EPS8: variants seen among roughly 807,000 people sequenced by gnomAD.
The protein encoded by EPS8 is EGFR pathway substrate 8, signaling adaptor.
A neutral mutation model predicts 103.8 loss-of-function variants in EPS8; 42 were observed. The ratio of observed to expected loss-of-function variants is 0.40; its 90% CI spans 0.32 to 0.52. The LOEUF is 0.52. EPS8 is among the 20% of genes least tolerant of loss of function. EPS8 has a pLI of 0.40. For synonymous variants in EPS8, 344 were observed against 344.6 expected, an observed-to-expected ratio of 1.00 and a Z score of 0.02; for missense variants, 969 against 1,005.1, an observed-to-expected ratio of 0.96 and a Z score of 0.49.
chr12:15,716,231 A>G lies in EPS8; in HGVS notation c.-21-33259T>C, dbSNP rs1946532420. 6.6e-6 allele frequency among the ~76,000 whole-genome samples: 1 copy of G among 152,134 alleles called. No individual in the cohort carries two copies. The highest frequency in any genetic ancestry group is 1.5e-5 in the Non-Finnish European group (1 of 68,032). ...AATGCCAAAAAATGTTGCTGCTTGG[A>G]AACAGACAGTTTCCTAATAGTAAGT... On this transcript the variant is annotated intron_variant, in intron 1 of 20. Transcript: ENST00000281172. The surrounding 1 kb of genome is among the most constrained non-coding windows in gnomAD (Gnocchi z 5.0).
At chr12:15,643,916 C>A (rs1369373856) in intron 15 of EPS8, among the ~76,000 whole-genome samples, 2 of 152,134 alleles carry the variant, frequency 1.3e-5, no homozygotes, top group Non-Finnish European at 1.5e-5. Context: ...CATCTGACAG[C>A]AGTAAGCTAT....
Position 15,621,411 on chromosome 12 carries a change from T to G in EPS8, c.2375A>C (p.Glu792Ala). The G allele has an allele frequency of 6.2e-7, 1 of 1,601,488 alleles. No individual in the cohort carries two copies. Among genetic ancestry groups the G allele is most frequent in the Non-Finnish European group, 8.5e-7 (1 of 1,173,412 alleles). The change falls in exon 21 of 21, where the codon GAG becomes GCG. Residue 792 changes from glutamate to alanine, a missense_variant. By Grantham distance (107) the Glu-to-Ala change is moderately radical. Transcript: ENST00000281172. ...AALEDSSGSS[E>A]LQEIMRRRQE... ...TCGTCTTCTCATAATTTCTTGTAAC[T>G]CGGAGCTGCCACTGCTATCCTGAAA...
intron 1 of EPS8, among the ~76,000 whole-genome samples, chr12:15,729,136 A>G (rs1312628568): frequency 1.3e-5 from 2 of 152,094 alleles, no homozygotes; most frequent in Non-Finnish European, 2.9e-5. Context: ...TAATCCCCTA[A>G]AGGTAAGGTG....
intron 3 of EPS8, among the ~76,000 whole-genome samples, chr12:15,676,742 G>C (rs1945915783): frequency 1.3e-5 from 2 of 152,176 alleles, no homozygotes; most frequent in Admixed American, 1.3e-4. Flanking sequence ...ATAACTGGAG[G>C]AGAGAGAAAT....
chr12:15,664,446 C>A (rs1457201773), intron 8 of EPS8, among the ~76,000 whole-genome samples: 1 of 152,112 alleles, frequency 6.6e-6, no homozygotes, highest in Non-Finnish European at 1.5e-5. Context: ...ATGAAAACCA[C>A]AAATTATGCT....
At position 15,764,507 on chromosome 12, in the gene EPS8, T is replaced by C. The variant is rs1418846724; in HGVS notation, c.-22+24654A>G. ...TTACCAGAACCGAGGACTGATTTTA[T>C]GTAAACTGTAAAACCAACAGGCCTT... On this transcript the variant is annotated intron_variant, in intron 1 of 20. Transcript: ENST00000281172. This position sits in a 1 kb window ranked among gnomAD's most constrained non-coding sequence, Gnocchi z 4.1. 6.6e-6 allele frequency among the ~76,000 whole-genome samples: 1 copy of C among 152,230 alleles called. No individual in the cohort carries two copies. The highest frequency in any genetic ancestry group is 1.9e-4 in the East Asian group (1 of 5,206).
rs190984028 is a variant in EPS8 at position 15,621,985 on chromosome 12, G to T, written c.2356-555C>A. On this transcript the variant is annotated intron_variant, in intron 20 of 20. Transcript: ENST00000281172. ...GGAAAGGGTGAGGTGGTAGAAGGTG[G>T]CTGAGGAACATGAAGAACCTCAGGT... is the stretch of plus-strand genomic sequence containing the variant. 2.6e-5 allele frequency among the ~76,000 whole-genome samples: 4 copies of T among 152,230 alleles called. No individual in the cohort carries two copies. In the East Asian group the frequency reaches 7.7e-4, roughly 29 times the overall value.
Position 15,621,192 on chromosome 12 carries a change from G to GT in EPS8, c.*124_*125insA, listed in dbSNP as rs1944855606. 12 of 385,254 alleles carry GT rather than the reference G, an allele frequency of 3.1e-5. No individual in the cohort carries two copies. Among genetic ancestry groups the GT allele is most frequent in the Non-Finnish European group, 4.4e-5 (11 of 247,814 alleles). The allele number at this position is 385,254 out of a possible 1,614,324, so 23.9% of individuals were successfully genotyped here. A position where few individuals can be genotyped will look rare whatever the true frequency, so the allele number is the denominator to read the frequency against. On this transcript the variant is annotated 3_prime_UTR_variant, in exon 21 of 21. Coordinates refer to ENST00000281172, the MANE Select transcript of EPS8 (RefSeq NM_004447.6). ...TCCTGTGCTCACTCAGGTTTGCATG[G>GT]GTTTTTTTTTATGGTGATAAATTAC...
chr12:15,652,814 A>G (rs1462639586), intron 13 of EPS8, among the ~76,000 whole-genome samples: 1 of 152,218 alleles, frequency 6.6e-6, no homozygotes, highest in Non-Finnish European at 1.5e-5. Context: ...AAAAGTTTGT[A>G]TATGTTTCAA....
In EPS8 at chr12:15,751,212, G is replaced by C. The variant is rs1946928103; in HGVS notation, c.-22+37949C>G. Among the ~76,000 whole-genome samples the C allele has an allele frequency of 6.6e-6, 1 of 151,974 alleles. No homozygotes were observed. Among genetic ancestry groups the C allele is most frequent in the African/African-American group, 2.4e-5 (1 of 41,334 alleles). ...GTCTCTACTAAAAATATAAAAATTA[G>C]CCACACGTAGTGGTGTGTGCCTGTA... On this transcript the variant is annotated intron_variant, in intron 1 of 20. Transcript: ENST00000281172. The surrounding 1 kb of genome is among the most constrained non-coding windows in gnomAD (Gnocchi z 4.3).
intron 1 of EPS8, among the ~76,000 whole-genome samples, chr12:15,720,419 C>G (rs1269772450): frequency 6.6e-6 from 1 of 152,246 alleles, no homozygotes; most frequent in African/African-American, 2.4e-5. Context: ...TCCTGAGTAG[C>G]TGGGATTACA....
intron 1 of EPS8, among the ~76,000 whole-genome samples, chr12:15,753,522 A>T (rs764424286): frequency 1.3e-5 from 2 of 151,912 alleles, no homozygotes; most frequent in Non-Finnish European, 2.9e-5. Flanking sequence ...GGACAAAAGC[A>T]TAAGTCGCAT....
chr12:15,664,288 T>G lies in EPS8; in HGVS notation c.736+1468A>C, dbSNP rs546057739. 2.9e-4 allele frequency among the ~76,000 whole-genome samples: 44 copies of G among 152,182 alleles called. 2 individuals are homozygous for G. The South Asian group carries it at 9.1e-3, about 32-fold the overall frequency. On this transcript the variant is annotated intron_variant, in intron 8 of 20. Coordinates refer to ENST00000281172, the MANE Select transcript of EPS8 (RefSeq NM_004447.6). ...CTACATATCTCTGTTAATTAATTTT[T>G]TTTTAAATAAATGCATCAAAGAATT...
At chr12:15,623,103 GT>G (rs1445043723) in intron 20 of EPS8, 54 bp downstream of exon 20, 3 of 1,537,192 alleles carry the variant, frequency 2.0e-6, no homozygotes, top group African/African-American at 1.4e-5. Flanking sequence ...ATAAATAGTT[GT>G]TTCCAGAGCT....
At chr12:15,709,195 T>C (rs777078855) in intron 1 of EPS8, among the ~76,000 whole-genome samples, 1 of 152,190 alleles carries the variant, frequency 6.6e-6, no homozygotes, top group Admixed American at 6.5e-5. Context: ...TAACCCATCA[T>C]AGTAAGAGAT....
At chr12:15,652,898 A>T (rs1591822059) in intron 13 of EPS8, among the ~76,000 whole-genome samples, 1 of 152,194 alleles carries the variant, frequency 6.6e-6, no homozygotes. Context: ...AAGCATTAGG[A>T]AGACAAATGT....
At chr12:15,678,728 G>A (rs1945951558) in intron 3 of EPS8, among the ~76,000 whole-genome samples, 1 of 151,954 alleles carries the variant, frequency 6.6e-6, no homozygotes, top group Non-Finnish European at 1.5e-5. Context: ...TGGGATCACA[G>A]GTGTAAGCAA....
In EPS8 at chr12:15,777,778, G is replaced by T. The variant is rs986551168; in HGVS notation, c.-22+11383C>A. Reference sequence around the variant, plus strand: ...GGGAACAGCTGGGAGGAGGAAAAGAGTTGGGAAAGGGGGTGATGAAGGAAA... The same window carrying T: ...GGGAACAGCTGGGAGGAGGAAAAGATTTGGGAAAGGGGGTGATGAAGGAAA... On this transcript the variant is annotated intron_variant, in intron 1 of 20. Coordinates refer to ENST00000281172, the MANE Select transcript of EPS8 (RefSeq NM_004447.6). This position sits in a 1 kb window ranked among gnomAD's most constrained non-coding sequence, Gnocchi z 4.7. Among the ~76,000 whole-genome samples the T allele has an allele frequency of 6.6e-6, 1 of 152,184 alleles. No homozygotes were observed. The highest frequency in any genetic ancestry group is 1.5e-5 in the Non-Finnish European group (1 of 68,030).
At chr12:15,626,461 T>A (rs1462548412) in intron 18 of EPS8, among the ~76,000 whole-genome samples, 1 of 151,690 alleles carries the variant, frequency 6.6e-6, no homozygotes, top group Non-Finnish European at 1.5e-5. Flanking sequence ...AAACCCAGTC[T>A]CTACTAAAAA....
Sources: allele counts gnomAD v4.1 joint callset (sites outside exome capture counted in the v4.1 genomes callset), GRCh38; gene constraint gnomAD v4.1.1; non-coding constraint Gnocchi (gnomAD v3.1); transcripts MANE v1.5; gene names NCBI Gene and HGNC (gene_info 2026-07-23, HGNC 2026-07-21).